PAX7: variants seen among roughly 807,000 people sequenced by gnomAD.
PAX7 encodes the protein paired box 7, also known as paired box protein Pax-7.
In PAX7, 18 loss-of-function variants were observed where a neutral mutation model predicts 50.7. The observed-to-expected ratio is 0.36, with a 90% CI of 0.25 to 0.53. The LOEUF (loss-of-function observed/expected upper bound fraction) is 0.53, where lower values mean the gene tolerates loss of function less well. PAX7 is among the 20% of genes least tolerant of loss of function. The probability of loss-of-function intolerance (pLI) is 0.93; values close to 1 mark genes in which losing one functional copy is unlikely to be tolerated. For missense variants in PAX7, 644 were observed against 702.9 expected (o/e 0.92, Z 0.95); for synonymous variants, 310 against 290.4 (o/e 1.07, Z -0.69).
chr1:18,649,819 T>C (rs2088404288), intron 4 of PAX7, among the ~76,000 whole-genome samples: 1 of 152,222 alleles, frequency 6.6e-6, no homozygotes, highest in Admixed American at 6.5e-5. Flanking sequence ...AATGGCCCCA[T>C]GCAGAGGCCC....
chr1:18,673,620 GT>G (rs1336894378), intron 4 of PAX7, among the ~76,000 whole-genome samples: 2 of 152,156 alleles, frequency 1.3e-5, no homozygotes, highest in African/African-American at 2.4e-5. Flanking sequence ...TCAAAAAAAA[GT>G]TTTTATCTAA....
rs1334273218 is a variant in PAX7, at chr1:18,726,020, GTGCGTGTGTT to G, written c.1156-9609_1156-9600del. 3.3e-5 allele frequency among the ~76,000 whole-genome samples: 5 copies of G among 151,624 alleles called. No individual in the cohort carries two copies. Among genetic ancestry groups the G allele is most frequent in the Non-Finnish European group, 7.4e-5 (5 of 67,704 alleles). Reference sequence around the variant, plus strand: ...CGCGCGCGCGCGTGCGCGCGTGTGTGTGCGTGTGTTTGTGTGTGTGTGTGTCTTTGACTTC... The same window carrying G: ...CGCGCGCGCGCGTGCGCGCGTGTGTGTGTGTGTGTGTGTGTCTTTGACTTC... On this transcript the variant is annotated intron_variant, in intron 7 of 8. Transcript: ENST00000420770. This position sits in a 1 kb window ranked among gnomAD's most constrained non-coding sequence, Gnocchi z 4.8.
intron 5 of PAX7, among the ~76,000 whole-genome samples, chr1:18,693,312 C>T (rs892012510): frequency 2.6e-5 from 4 of 152,154 alleles, no homozygotes; most frequent in Non-Finnish European, 4.4e-5. Flanking sequence ...GCTTCTCAAA[C>T]GTGACCTAGT....
Position 18,735,930 on chromosome 1 carries a change from C to T in PAX7, c.1402+52C>T. 6.2e-7 allele frequency: 1 copy of T among 1,613,998 alleles called. No individual in the cohort carries two copies. Among genetic ancestry groups the T allele is most frequent in the Non-Finnish European group, 8.5e-7 (1 of 1,180,034 alleles). Reference sequence around the variant, plus strand: ...CCCGTCCCCATTCCTTCTCCCACCCCCAGGGCCTCCTGCTTGTTTATGGAG... The same window carrying T: ...CCCGTCCCCATTCCTTCTCCCACCCTCAGGGCCTCCTGCTTGTTTATGGAG... On this transcript the variant is annotated intron_variant, in intron 8 of 8. Transcript: ENST00000420770. The surrounding 1 kb of genome is among the most constrained non-coding windows in gnomAD (Gnocchi z 4.0).
intron 7 of PAX7, among the ~76,000 whole-genome samples, chr1:18,715,610 C>T (rs763056418): frequency 2.1e-4 from 32 of 152,150 alleles, no homozygotes; most frequent in Non-Finnish European, 3.7e-4. Context: ...GCTAGAATCC[C>T]AGTGCTTGGG....
intron 4 of PAX7, among the ~76,000 whole-genome samples, chr1:18,688,269 CGTT>C (rs951646303): frequency 7.9e-5 from 12 of 152,112 alleles, no homozygotes; most frequent in African/African-American, 2.7e-4. Context: ...AAACAAGGAA[CGTT>C]GTTAAATTCT....
At chr1:18,688,620 G>A (rs1246934626) in intron 4 of PAX7, among the ~76,000 whole-genome samples, 1 of 152,184 alleles carries the variant, frequency 6.6e-6, no homozygotes, top group Middle Eastern at 3.2e-3. Flanking sequence ...GTATTTCCAG[G>A]CCAGGCATGG....
intron 4 of PAX7, among the ~76,000 whole-genome samples, chr1:18,660,720 C>A (rs1180274659): frequency 6.6e-6 from 1 of 152,076 alleles, no homozygotes; most frequent in Non-Finnish European, 1.5e-5. Context: ...AACAAGCCTG[C>A]CTCCTTGGGC....
chr1:18,677,173 A>G (rs758889495), intron 4 of PAX7, among the ~76,000 whole-genome samples: 3 of 152,158 alleles, frequency 2.0e-5, no homozygotes, highest in Non-Finnish European at 4.4e-5. Context: ...GGAAATAACC[A>G]AGTTGATGGC....
intron 6 of PAX7, among the ~76,000 whole-genome samples, chr1:18,702,670 A>G (rs2089236946): frequency 6.6e-6 from 1 of 152,144 alleles, no homozygotes; most frequent in Non-Finnish European, 1.5e-5. Context: ...TTCATCTGTA[A>G]AATGGGATTT....
intron 4 of PAX7, among the ~76,000 whole-genome samples, chr1:18,641,697 A>G (rs1356154928): frequency 1.3e-5 from 2 of 152,194 alleles, no homozygotes; most frequent in Non-Finnish European, 2.9e-5. Flanking sequence ...AGACATTGAA[A>G]AGACGAGGCT....
chr1:18,649,211 G>A (rs1327135596), intron 4 of PAX7, among the ~76,000 whole-genome samples: 2 of 152,266 alleles, frequency 1.3e-5, no homozygotes, highest in South Asian at 2.1e-4. Context: ...TTATGTGCGG[G>A]TACAGGAGCA....
At chr1:18,717,038 C>T (rs1180710952) in intron 7 of PAX7, among the ~76,000 whole-genome samples, 1 of 151,680 alleles carries the variant, frequency 6.6e-6, no homozygotes, top group Non-Finnish European at 1.5e-5. Flanking sequence ...CCCCGCGCTC[C>T]GCCGCCGCCG....
rs957604658 is a variant in PAX7, at chr1:18,631,236, C to A, written c.-368C>A. On this transcript the variant is annotated 5_prime_UTR_variant, in exon 1 of 9. Coordinates refer to ENST00000420770, the MANE Select transcript of PAX7 (RefSeq NM_001135254.2). The stretch of plus-strand genomic sequence containing the variant: ...CTCGATTCCGGCCGCGTTCCCCCGG[C>A]CCCCCTCCGCCGCGGGGCCTGGTCT... 1 of 248,538 alleles carries A rather than the reference C, an allele frequency of 4.0e-6. No individual in the cohort carries two copies. The highest frequency in any genetic ancestry group is 7.8e-6 in the Non-Finnish European group (1 of 128,812). The allele number at this position is 248,538 out of a possible 1,614,324, so 15.4% of individuals were successfully genotyped here. A position where few individuals can be genotyped will look rare whatever the true frequency, so the allele number is the denominator to read the frequency against.
rs3222319 is a variant in PAX7, at chr1:18,700,077, C to CAT, written c.787-576_787-575insAT. On this transcript the variant is annotated intron_variant, in intron 5 of 8. Coordinates refer to ENST00000420770, the MANE Select transcript of PAX7 (RefSeq NM_001135254.2). The surrounding 1 kb of genome is among the most constrained non-coding windows in gnomAD (Gnocchi z 4.8). The stretch of plus-strand genomic sequence containing the variant: ...TTATCCCACTAATGTTTGATAAATC[C>CAT]GTGTGTGTGTGTGTGTGTGTGTGTG... 1.2e-4 allele frequency among the ~76,000 whole-genome samples: 18 copies of CAT among 145,668 alleles called. No individual in the cohort carries two copies. Among genetic ancestry groups the CAT allele is most frequent in the African/African-American group, 4.5e-4 (18 of 39,626 alleles).
At chr1:18,683,927 T>C (rs1177326035) in intron 4 of PAX7, among the ~76,000 whole-genome samples, 2 of 152,148 alleles carry the variant, frequency 1.3e-5, no homozygotes, top group Non-Finnish European at 2.9e-5. Context: ...ACAGAATACA[T>C]AGCACGTCTG....
At chr1:18,656,889 G>A (rs1370916532) in intron 4 of PAX7, among the ~76,000 whole-genome samples, 2 of 152,092 alleles carry the variant, frequency 1.3e-5, no homozygotes, top group African/African-American at 4.8e-5. Flanking sequence ...CTACTCGGGA[G>A]GCTGAGGAGG....
chr1:18,725,275 G>A (rs900365109), intron 7 of PAX7, among the ~76,000 whole-genome samples: 22 of 145,924 alleles, frequency 1.5e-4, no homozygotes, highest in East Asian at 4.2e-4. Flanking sequence ...CTGCATCCTC[G>A]TCTCCACCAA....
chr1:18,732,816 C>T (rs950599559), intron 7 of PAX7, among the ~76,000 whole-genome samples: 1 of 152,142 alleles, frequency 6.6e-6, no homozygotes, highest in African/African-American at 2.4e-5. Flanking sequence ...TCTTCCTAAC[C>T]ATCCCCCGAC....
Sources: gnomAD v4.1 joint callset for allele counts (sites outside exome capture counted in the v4.1 genomes callset) on GRCh38, gnomAD v4.1.1 for gene constraint, Gnocchi (gnomAD v3.1) non-coding constraint, MANE v1.5 for transcripts, NCBI Gene and HGNC (gene_info 2026-07-23, HGNC 2026-07-21) for gene names.